Variants in FH observed in about 807,000 individuals in gnomAD.
The protein encoded by FH is fumarate hydratase.
FH carries 22 observed loss-of-function variants against 49.4 expected under a neutral mutation model. The observed-to-expected ratio is 0.45, with a 90% confidence interval of 0.32 to 0.64. FH has a LOEUF of 0.64. Ranked by LOEUF, FH falls within the 30% of genes least tolerant of loss-of-function variation. The pLI is 0.05. For missense variants in FH, 526 were observed against 641.5 expected (o/e 0.82, Z 1.95); for synonymous variants, 208 against 223.0 (o/e 0.93, Z 0.60).
At chr1:241,518,790 T>C (rs1403937260) in intron 1 of FH, among the ~76,000 whole-genome samples, 4 of 152,230 alleles carry the variant, frequency 2.6e-5, no homozygotes, top group Non-Finnish European at 5.9e-5. Context: ...AAAGCCTGCA[T>C]TCCTAAAGAT....
Position 241,508,765 on chromosome 1 carries a change from G to C in FH, c.576C>G (p.Pro192=), listed in dbSNP as rs1413797947. The change falls in exon 5 of 10, where the codon CCC becomes CCG. Residue 192 remains proline (P), a synonymous_variant. Transcript: ENST00000366560. ...NKSQSSNDTF[P]TAMHIAAAIE... ...TTGCAGCAGCAATGTGCATTGCTGTGGGAAAAGTATCATTTGAGCTCTGTT... is the reference window on the plus strand; with the variant it reads ...TTGCAGCAGCAATGTGCATTGCTGTCGGAAAAGTATCATTTGAGCTCTGTT... The C allele has an allele frequency of 1.2e-6, 2 of 1,613,324 alleles. No homozygotes were observed. Among genetic ancestry groups the C allele is most frequent in the Non-Finnish European group, 1.7e-6 (2 of 1,179,518 alleles).
At chr1:241,513,826 A>G in intron 2 of FH, 113 bp from the exon 3 acceptor site, 1 of 764,876 alleles carries the variant, frequency 1.3e-6, no homozygotes, top group East Asian at 2.7e-5. Flanking sequence ...AAACAGTAAC[A>G]CTATAGCTCT....
intron 9 of FH, among the ~76,000 whole-genome samples, chr1:241,499,211 G>A (rs1659705955): frequency 6.6e-6 from 1 of 152,140 alleles, no homozygotes; most frequent in African/African-American, 2.4e-5. Context: ...AGGGTTGTAA[G>A]GCTCACACCA....
chr1:241,500,855 T>C (rs574855101), intron 8 of FH, among the ~76,000 whole-genome samples: 5 of 152,130 alleles, frequency 3.3e-5, no homozygotes, highest in Admixed American at 1.3e-4. Flanking sequence ...AAATAGCCCA[T>C]AGCAAGTATT....
Position 241,519,623 on chromosome 1 carries a change from G to A in FH, c.100C>T (p.Pro34Ser), listed in dbSNP as rs1191023697. The change falls in exon 1 of 10, where the codon CCC becomes TCC. Residue 34 changes from proline to serine, a missense_variant. Pro to Ser is a moderately conservative substitution (Grantham distance 74). Transcript: ENST00000366560. ...SAPGLGGAAV[P>S]SFWPPNAARM... ...GCCGCGTTCGGAGGCCAAAACGAGG[G>A]CACGGCCGCGCCACCCAAGCCGGGA... The A allele has an allele frequency of 6.5e-7, 1 of 1,547,774 alleles. No individual in the cohort carries two copies. The highest frequency in any genetic ancestry group is 8.7e-7 in the Non-Finnish European group (1 of 1,146,452).
rs144597860 is a variant in FH, at chr1:241,504,290, A to G, written c.905-45T>C. ...CCTAGATGGGTGAACAAGTTAAACTAAACATTTTTCTACCATTAGCAAGTG... is the reference window on the plus strand; with the variant it reads ...CCTAGATGGGTGAACAAGTTAAACTGAACATTTTTCTACCATTAGCAAGTG... On this transcript the variant is annotated intron_variant, in intron 6 of 9. Transcript: ENST00000366560. The G allele has an allele frequency of 4.0e-5, 62 of 1,558,328 alleles. No homozygotes were observed. The East Asian group carries it at 1.4e-3, about 34-fold the overall frequency.
At chr1:241,503,634 A>C (rs906675619) in intron 7 of FH, among the ~76,000 whole-genome samples, 3 of 152,240 alleles carry the variant, frequency 2.0e-5, no homozygotes, top group African/African-American at 7.2e-5. Flanking sequence ...TCTCCACTGG[A>C]ATCAATGACT....
At chr1:241,498,214 G>A (rs1178900411) in intron 9 of FH, among the ~76,000 whole-genome samples, 1 of 152,042 alleles carries the variant, frequency 6.6e-6, no homozygotes, top group Non-Finnish European at 1.5e-5. Context: ...TTCCTAAGTT[G>A]AAATTTTCCA....
Position 241,497,670 on chromosome 1 carries a change from C to T in FH, c.*158G>A, listed in dbSNP as rs1258717234. 2 of 624,696 alleles carry T rather than the reference C, an allele frequency of 3.2e-6. No individual in the cohort carries two copies. Among genetic ancestry groups the T allele is most frequent in the South Asian group, 2.1e-5 (1 of 48,256 alleles). The allele number at this position is 624,696 out of a possible 1,614,324, so 38.7% of individuals were successfully genotyped here. On this transcript the variant is annotated 3_prime_UTR_variant, in exon 10 of 10. Coordinates refer to ENST00000366560, the MANE Select transcript of FH (RefSeq NM_000143.4). ...TTATACTTGTTTAATCCATCTTAGA[C>T]CTAGCACATCCTAGGGTTTTATATA...
intron 8 of FH, among the ~76,000 whole-genome samples, chr1:241,501,226 C>A (rs546292221): frequency 6.6e-6 from 1 of 152,092 alleles, no homozygotes; most frequent in African/African-American, 2.4e-5. Flanking sequence ...ATATCCAAAT[C>A]CTAATATCCT....
At position 241,512,162 on chromosome 1, in the gene FH, A is replaced by G; in HGVS notation, c.379-19T>C. ...CAGCTACCTGCAGAAAAAATGTTAAAAATGTATTTTAAAAAAGGAAATAAT... is the reference window on the plus strand; with the variant it reads ...CAGCTACCTGCAGAAAAAATGTTAAGAATGTATTTTAAAAAAGGAAATAAT... On this transcript the variant is annotated intron_variant, in intron 3 of 9. Coordinates refer to ENST00000366560, the MANE Select transcript of FH (RefSeq NM_000143.4). The G allele has an allele frequency of 1.9e-6, 3 of 1,609,100 alleles. No homozygotes were observed. In the South Asian group the frequency reaches 3.3e-5, roughly 18 times the overall value.
At chr1:241,502,285 C>A (rs924025449) in intron 8 of FH, among the ~76,000 whole-genome samples, 158 bp downstream of exon 8, 3 of 152,090 alleles carry the variant, frequency 2.0e-5, no homozygotes, top group African/African-American at 7.2e-5. Flanking sequence ...TTTCTATTAT[C>A]TAGGATTATT....
At chr1:241,516,784 T>A (rs534212822) in intron 2 of FH, among the ~76,000 whole-genome samples, 14 of 151,886 alleles carry the variant, frequency 9.2e-5, no homozygotes, top group Non-Finnish European at 1.9e-4. Flanking sequence ...TCCAGAGTAA[T>A]TGGGACTACA....
chr1:241,498,757 G>T, intron 9 of FH, among the ~76,000 whole-genome samples: 1 of 83,764 alleles, frequency 1.2e-5, no homozygotes, highest in Non-Finnish European at 2.3e-5. Flanking sequence ...AGAAGAAAAA[G>T]CAGGAATGAA....
chr1:241,506,913 C>T (rs1158490012), intron 5 of FH, among the ~76,000 whole-genome samples: 1 of 152,108 alleles, frequency 6.6e-6, no homozygotes, highest in Non-Finnish European at 1.5e-5. Flanking sequence ...GTTAACTGGA[C>T]AAACCAAGAT....
intron 4 of FH, among the ~76,000 whole-genome samples, chr1:241,509,683 T>C (rs547913314): frequency 6.6e-6 from 1 of 151,928 alleles, no homozygotes; most frequent in South Asian, 2.1e-4. Context: ...AGCTAAGGCA[T>C]GAGGATCCCT....
At chr1:241,507,038 G>A (rs1347061235) in intron 5 of FH, among the ~76,000 whole-genome samples, 2 of 152,128 alleles carry the variant, frequency 1.3e-5, no homozygotes, top group African/African-American at 2.4e-5. Flanking sequence ...ACTCATTATA[G>A]GTAGACCTGA....
intron 8 of FH, among the ~76,000 whole-genome samples, chr1:241,501,773 C>T (rs1659786574): frequency 6.6e-6 from 1 of 152,182 alleles, no homozygotes; most frequent in Non-Finnish European, 1.5e-5. Flanking sequence ...GCAACAGCTC[C>T]ACTATCTGCA....
chr1:241,503,970 C>T (rs1418917609), intron 7 of FH, 72 bp downstream of exon 7: 13 of 1,426,370 alleles, frequency 9.1e-6, no homozygotes, highest in Admixed American at 1.9e-5. Flanking sequence ...CAAAGAGAGA[C>T]ATGGTCCATA....
Sources: gnomAD v4.1 joint callset for allele counts (sites outside exome capture counted in the v4.1 genomes callset) on GRCh38, gnomAD v4.1.1 for gene constraint, MANE v1.5 for transcripts, NCBI Gene and HGNC (gene_info 2026-07-23, HGNC 2026-07-21) for gene names.